The following ANK3 variants were observed in gnomAD, a reference collection of about 807,000 sequenced individuals.
ANK3 encodes the protein ankyrin 3.
Under a neutral mutation model 370.9 loss-of-function variants are expected in ANK3, and 57 were observed. That is an observed-to-expected ratio of 0.15 (90% CI 0.12 to 0.19). ANK3 has a LOEUF of 0.19. Among genes scored for constraint, ANK3 ranks in the 10% least tolerant of loss-of-function variants. The pLI is 1.00. For missense variants in ANK3, 4,439 were observed against 5,302.1 expected (o/e 0.84, Z 5.06); for synonymous variants, 1,929 against 1,946.3 (o/e 0.99, Z 0.23).
chr10:60,487,460 T>A (rs1408013985), intron 2 of ANK3, among the ~76,000 whole-genome samples: 1 of 152,136 alleles, frequency 6.6e-6, no homozygotes, highest in Non-Finnish European at 1.5e-5. Flanking sequence ...CATCAATAAT[T>A]GTTGAGCATG....
At chr10:60,535,057 G>A (rs527621373) in intron 2 of ANK3, among the ~76,000 whole-genome samples, 8 of 152,182 alleles carry the variant, frequency 5.3e-5, no homozygotes, top group South Asian at 2.1e-4. Context: ...CTGCAGCTAC[G>A]GCTCCAGAAC....
intron 1 of ANK3, among the ~76,000 whole-genome samples, chr10:60,360,298 A>C (rs936976875): frequency 2.0e-5 from 3 of 152,246 alleles, no homozygotes; most frequent in Admixed American, 2.0e-4. Flanking sequence ...CAGGGAGCTA[A>C]AAGAATAAGA....
chr10:60,398,719 C>T (rs555615844), intron 2 of ANK3, among the ~76,000 whole-genome samples: 111 of 152,252 alleles, frequency 7.3e-4, no homozygotes, highest in African/African-American at 2.5e-3. Context: ...ATTTAAGACA[C>T]CCAAACTCAA....
intron 12 of ANK3, among the ~76,000 whole-genome samples, chr10:60,200,888 G>A (rs761774870): frequency 6.6e-5 from 10 of 152,024 alleles, no homozygotes; most frequent in Non-Finnish European, 1.0e-4. Flanking sequence ...TTTCCCAGTG[G>A]GTCATTTTCT....
Position 60,069,608 on chromosome 10 carries a change from T to C in ANK3, c.11273A>G (p.Glu3758Gly). The C allele has an allele frequency of 4.3e-6, 7 of 1,614,122 alleles. No homozygotes were observed. Among genetic ancestry groups the C allele is most frequent in the Non-Finnish European group, 5.9e-6 (7 of 1,180,020 alleles). The stretch of plus-strand genomic sequence containing the variant: ...TGTATTTGAAATCATTGTTATAGTT[T>C]CATTTTCTAATCCCTGACAACTGGT... ...VMTSCQGLEN[E>G]TITMISNTAN... Residue 3758 changes from glutamate (E) to glycine (G), a missense_variant, in exon 37 of 44, where the codon GAA becomes GGA. Coordinates refer to ENST00000280772, the MANE Select transcript of ANK3 (RefSeq NM_020987.5).
At position 60,075,210 on chromosome 10, in the gene ANK3, T is replaced by C. The variant is rs369063284; in HGVS notation, c.5671A>G (p.Thr1891Ala). 1 of 1,614,184 alleles carries C rather than the reference T, an allele frequency of 6.2e-7. No individual in the cohort carries two copies. Among genetic ancestry groups the C allele is most frequent in the Non-Finnish European group, 8.5e-7 (1 of 1,180,024 alleles). Reference protein sequence around the residue: ...FLAPSALKLSTPSSLSSSQEI... With the variant: ...FLAPSALKLSAPSSLSSSQEI... ...TGACTGGAAGATAAAGAAGATGGTGTAGACAACTTAAGGGCAGAGGGTGCA... is the reference window on the plus strand; with the variant it reads ...TGACTGGAAGATAAAGAAGATGGTGCAGACAACTTAAGGGCAGAGGGTGCA... The change falls in exon 37 of 44, where the codon ACA becomes GCA. Residue 1891 changes from threonine to alanine, a missense_variant. Thr to Ala is a moderately conservative substitution (Grantham distance 58). Transcript: ENST00000280772.
intron 1 of ANK3, among the ~76,000 whole-genome samples, chr10:60,387,173 A>G (rs944433760): frequency 2.0e-5 from 3 of 151,892 alleles, no homozygotes; most frequent in Non-Finnish European, 4.4e-5. Flanking sequence ...AAAAAAAAAA[A>G]TCCTATACAA....
At chr10:60,502,851 G>A (rs1283369341) in intron 2 of ANK3, among the ~76,000 whole-genome samples, 1 of 148,522 alleles carries the variant, frequency 6.7e-6, no homozygotes. Context: ...AGAAAGGGAG[G>A]AAGGAAAAGA....
chr10:60,510,530 G>A (rs532233886), intron 2 of ANK3, among the ~76,000 whole-genome samples: 66 of 152,186 alleles, frequency 4.3e-4, no homozygotes, highest in Admixed American at 1.0e-3. Flanking sequence ...GAAATGTAGC[G>A]TCAGAGCATG....
At chr10:60,420,257 A>T (rs1380469286) in intron 2 of ANK3, among the ~76,000 whole-genome samples, 1 of 152,152 alleles carries the variant, frequency 6.6e-6, no homozygotes, top group East Asian at 1.9e-4. Context: ...TCCATGCAAC[A>T]CTATTTAAAA....
At chr10:60,180,198 C>G (rs556354791) in intron 18 of ANK3, among the ~76,000 whole-genome samples, 1 of 152,276 alleles carries the variant, frequency 6.6e-6, no homozygotes, top group South Asian at 2.1e-4. Flanking sequence ...TTACTAGTTA[C>G]TTCAATATGC....
intron 2 of ANK3, among the ~76,000 whole-genome samples, chr10:60,598,897 T>C (rs2078023654): frequency 6.6e-6 from 1 of 152,170 alleles, no homozygotes; most frequent in Non-Finnish European, 1.5e-5. Context: ...AGACAAAGTT[T>C]TAACATTGTG....
intron 2 of ANK3, among the ~76,000 whole-genome samples, chr10:60,422,396 T>C (rs984100824): frequency 6.6e-6 from 1 of 152,168 alleles, no homozygotes; most frequent in Admixed American, 6.6e-5. Flanking sequence ...AAGACTACTC[T>C]AGACTTTTGA....
chr10:60,081,807 G>C (rs1372168066), intron 35 of ANK3: 1 of 102,086 alleles, frequency 9.8e-6, no homozygotes, highest in Non-Finnish European at 1.6e-5. Flanking sequence ...GAACTTCCTG[G>C]TCCTACTCTT....
Position 60,270,133 on chromosome 10 carries a change from C to G in ANK3, c.511G>C (p.Glu171Gln). The G allele has an allele frequency of 6.4e-7, 1 of 1,564,174 alleles. No individual in the cohort carries two copies. Among genetic ancestry groups the G allele is most frequent in the Non-Finnish European group, 8.7e-7 (1 of 1,153,548 alleles). Reference protein sequence around the residue: ...DNGASQSLATEDGFTPLAVAL... With the variant: ...DNGASQSLATQDGFTPLAVAL... ...ACAGGAAAAAAACAGTATCTTACCT[C>G]TGTGGCTAGGCTCTGGCTTGCACCA... Residue 171 changes from glutamate (E) to glutamine (Q), a missense_variant and splice_region_variant, in exon 5 of 44, where the codon GAG (glutamate) becomes CAG (glutamine). Glu to Gln is a conservative substitution (Grantham distance 29). This residue lies in a region of ANK3 where 136 missense variants were observed against 230.5 expected (regional missense o/e 0.59). Coordinates refer to ENST00000280772, the MANE Select transcript of ANK3 (RefSeq NM_020987.5).
At chr10:60,683,144 G>A (rs773090111) in intron 1 of ANK3, among the ~76,000 whole-genome samples, 1 of 152,170 alleles carries the variant, frequency 6.6e-6, no homozygotes, top group Non-Finnish European at 1.5e-5. Context: ...CTTCCATGTC[G>A]ATGACTGCTG....
intron 23 of ANK3, among the ~76,000 whole-genome samples, chr10:60,149,106 C>A (rs1434861707): frequency 6.6e-6 from 1 of 152,220 alleles, no homozygotes; most frequent in Admixed American, 6.5e-5. Flanking sequence ...CAATAAACAT[C>A]CATTTATTGG....
intron 2 of ANK3, among the ~76,000 whole-genome samples, chr10:60,451,981 G>A (rs771171165): frequency 2.0e-5 from 3 of 152,224 alleles, no homozygotes; most frequent in Non-Finnish European, 4.4e-5. Context: ...ACCAGCACAT[G>A]GATGTGAGGC....
intron 1 of ANK3, among the ~76,000 whole-genome samples, chr10:60,306,995 GC>G (rs2045288381): frequency 6.6e-6 from 1 of 152,168 alleles, no homozygotes; most frequent in African/African-American, 2.4e-5. Flanking sequence ...CTCCCAGAGA[GC>G]TGGGATTTAG....
Sources: allele counts gnomAD v4.1 joint callset (sites outside exome capture counted in the v4.1 genomes callset), GRCh38; gene constraint gnomAD v4.1.1; regional missense constraint gnomAD v4.1.1; transcripts MANE v1.5; gene names NCBI Gene and HGNC (gene_info 2026-07-23, HGNC 2026-07-21).